Variants in PCDHGA5 observed in about 807,000 individuals in gnomAD.
PCDHGA5 encodes the protein protocadherin gamma-A5.
Under a neutral mutation model 56.7 loss-of-function variants are expected in PCDHGA5, and 36 were observed. The ratio of observed to expected loss-of-function variants is 0.64; its 90% CI spans 0.49 to 0.84. The LOEUF (loss-of-function observed/expected upper bound fraction) is 0.84. PCDHGA5 is among the 40% of genes least tolerant of loss of function. The pLI is 0.00. For missense variants in PCDHGA5, 1,305 were observed against 1,201.5 expected, an observed-to-expected ratio of 1.09 and a Z score of -1.27; for synonymous variants, 563 against 520.2, an observed-to-expected ratio of 1.08 and a Z score of -1.12.
chr5:141,451,497 G>T (rs2098717489), intron 1 of PCDHGA5, among the ~76,000 whole-genome samples: 1 of 152,214 alleles, frequency 6.6e-6, no homozygotes, highest in Admixed American at 6.5e-5. Flanking sequence ...CCTCCATAGG[G>T]CAACCAGCTT....
At chr5:141,403,860 C>A (rs201458472) in intron 1 of PCDHGA5, 1 of 1,613,382 alleles carries the variant, frequency 6.2e-7, no homozygotes, top group Non-Finnish European at 8.5e-7. Flanking sequence ...GAAATATCAA[C>A]AGCAAAAAGT....
At chr5:141,417,646 C>A in intron 1 of PCDHGA5, 2 of 797,870 alleles carry the variant, frequency 2.5e-6, no homozygotes, top group Non-Finnish European at 3.8e-6. Context: ...GATCCCTCAG[C>A]CTCTAGCCTG....
rs753233498 is a variant in PCDHGA5, at chr5:141,364,455, G to T, written c.125G>T (p.Gly42Val). 13 of 1,613,882 alleles carry T rather than the reference G, an allele frequency of 8.1e-6. No homozygotes were observed. In the South Asian group the frequency reaches 1.2e-4, roughly 15 times the overall value. ...RYSMPEELDK[G>V]SFVGNIAKDL... ...TCGATGCCGGAGGAGCTGGACAAAG[G>T]CTCCTTCGTCGGCAACATAGCCAAG... The change falls in exon 1 of 4, where the codon GGC becomes GTC. Residue 42 changes from glycine (G) to valine (V), a missense_variant. Coordinates refer to ENST00000518069, the MANE Select transcript of PCDHGA5 (RefSeq NM_018918.3).
intron 1 of PCDHGA5, chr5:141,395,547 TGTGTG>T (rs2093267739): frequency 0.011 from 1,902 of 174,314 alleles, 94 homozygotes; most frequent in African/African-American, 0.026. Flanking sequence ...ATTGTTTGTG[TGTGTG>T]TGTGTGTGTG....
At chr5:141,443,317 C>A (rs898636207) in intron 1 of PCDHGA5, among the ~76,000 whole-genome samples, 39 of 142,046 alleles carry the variant, frequency 2.7e-4, no homozygotes, top group Non-Finnish European at 2.5e-4. Context: ...CCCATCTCTA[C>A]AAAAAAAAAA....
At chr5:141,504,302 C>T (rs969760258) in intron 2 of PCDHGA5, among the ~76,000 whole-genome samples, 9 of 152,004 alleles carry the variant, frequency 5.9e-5, no homozygotes, top group African/African-American at 1.5e-4. Context: ...TTTCAACACT[C>T]GGAGTTTCTA....
chr5:141,404,835 C>T, intron 1 of PCDHGA5: 1 of 1,613,920 alleles, frequency 6.2e-7, no homozygotes, highest in Non-Finnish European at 8.5e-7. Context: ...GAAGTGCGCA[C>T]AGCTCGGGCC....
chr5:141,450,454 G>A (rs144071286), intron 1 of PCDHGA5, among the ~76,000 whole-genome samples: 3,498 of 151,958 alleles, frequency 0.023, 60 homozygotes, highest in Middle Eastern at 0.051. Flanking sequence ...ATGTTTCCTC[G>A]TGATTTTATA....
intron 2 of PCDHGA5, among the ~76,000 whole-genome samples, chr5:141,499,133 T>C (rs1443866975): frequency 6.6e-6 from 1 of 152,184 alleles, no homozygotes; most frequent in East Asian, 1.9e-4. Context: ...GGTCATCCTT[T>C]GGGTGTCTGA....
At position 141,438,631 on chromosome 5, in the gene PCDHGA5, T is replaced by C. The variant is rs1227796079; in HGVS notation, c.2422-56176T>C. 6.5e-4 allele frequency among the ~76,000 whole-genome samples: 28 copies of C among 43,202 alleles called. 1 individual carries two copies. Among genetic ancestry groups the C allele is most frequent in the Non-Finnish European group, 8.8e-4 (23 of 26,272 alleles). 28.3% of individuals were successfully genotyped at this position (43,202 alleles called of 152,430 possible). On this transcript the variant is annotated intron_variant, in intron 1 of 3. Transcript: ENST00000518069. ...ATATATATATATATATATATATATATATATACACACACACACACACATATA... is the reference window on the plus strand; with the variant it reads ...ATATATATATATATATATATATATACATATACACACACACACACACATATA...
At chr5:141,456,259 C>T (rs1456888951) in intron 1 of PCDHGA5, among the ~76,000 whole-genome samples, 1 of 152,122 alleles carries the variant, frequency 6.6e-6, no homozygotes, top group Non-Finnish European at 1.5e-5. Flanking sequence ...GCGACCATTG[C>T]TTCTGGCTAC....
chr5:141,481,901 G>A (rs1297925755), intron 1 of PCDHGA5, among the ~76,000 whole-genome samples: 2 of 125,298 alleles, frequency 1.6e-5, no homozygotes, highest in Non-Finnish European at 3.2e-5. Context: ...GTGAAAGAGC[G>A]AAACTCCATC....
chr5:141,432,413 G>T lies in PCDHGA5; in HGVS notation c.2422-62394G>T, dbSNP rs369816901. On this transcript the variant is annotated intron_variant, in intron 1 of 3. Transcript: ENST00000518069. This position sits in a 1 kb window ranked among gnomAD's most constrained non-coding sequence, Gnocchi z 6.0. ...CAGCAACGTGTCGTTGAGCCTGTTCGTGCTGGACCAGAACGACAATGCGCC... is the reference window on the plus strand; with the variant it reads ...CAGCAACGTGTCGTTGAGCCTGTTCTTGCTGGACCAGAACGACAATGCGCC... The T allele has an allele frequency of 6.2e-7, 1 of 1,614,232 alleles. No homozygotes were observed.
intron 1 of PCDHGA5, among the ~76,000 whole-genome samples, chr5:141,483,393 C>T (rs1475344614): frequency 6.6e-6 from 1 of 152,080 alleles, no homozygotes; most frequent in Admixed American, 6.5e-5. Flanking sequence ...TTGATAAATG[C>T]TTGAACCAGC....
chr5:141,455,495 G>C (rs2098824459), intron 1 of PCDHGA5, among the ~76,000 whole-genome samples: 1 of 152,204 alleles, frequency 6.6e-6, no homozygotes, highest in East Asian at 1.9e-4. Flanking sequence ...GGTGATGTCT[G>C]ATTTGCATAG....
rs1175439180 is a variant in PCDHGA5, at chr5:141,365,941, T to C, written c.1611T>C (p.Ser537=). Residue 537 remains serine (S), a synonymous_variant, in exon 1 of 4, where the codon AGT becomes AGC. Coordinates refer to ENST00000518069, the MANE Select transcript of PCDHGA5 (RefSeq NM_018918.3). The part of the protein sequence containing the change: ...DLQLWVTASD[S]GNPPLSSNVS... ...AGTTGTGGGTGACAGCCAGCGACAG[T>C]GGGAACCCTCCACTTAGCAGCAACG... 15 of 1,614,152 alleles carry C rather than the reference T, an allele frequency of 9.3e-6. No homozygotes were observed. Among genetic ancestry groups the C allele is most frequent in the Non-Finnish European group, 1.2e-5 (14 of 1,180,022 alleles).
chr5:141,430,919 C>T, intron 1 of PCDHGA5: 1 of 1,607,610 alleles, frequency 6.2e-7, no homozygotes, highest in Non-Finnish European at 8.5e-7. Context: ...GGACCTGGGG[C>T]TGGAGCCCCG....
At chr5:141,414,498 C>T (rs2095755127) in intron 1 of PCDHGA5, 1 of 1,613,848 alleles carries the variant, frequency 6.2e-7, no homozygotes, top group African/African-American at 1.3e-5. Flanking sequence ...CGGAAGCTCA[C>T]TTTATGCTAC....
Position 141,364,743 on chromosome 5 carries a change from TA to T in PCDHGA5, c.417del (p.Val140Ter). 1 of 1,613,916 alleles carries T rather than the reference TA, an allele frequency of 6.2e-7. No homozygotes were observed. Reference sequence around the variant, plus strand: ...TTCCCGCGTTTCCGGGATGAAGAGTTAAAAGTAAAAGTTAATGAAAATGCGG... The same window carrying T: ...TTCCCGCGTTTCCGGGATGAAGAGTTAAAGTAAAAGTTAATGAAAATGCGG... Reference protein sequence around the residue: ...DNFPRFRDEELKVKVNENAAA... With the variant: ...DNFPRFRDEEXKVKVNENAAA... On this transcript the variant is annotated frameshift_variant, in exon 1 of 4. Transcript: ENST00000518069. LOFTEE classifies it high-confidence loss of function.
Sources: gnomAD v4.1 joint callset for allele counts (sites outside exome capture counted in the v4.1 genomes callset) on GRCh38, gnomAD v4.1.1 for gene constraint, Gnocchi (gnomAD v3.1) non-coding constraint, MANE v1.5 for transcripts, NCBI Gene and HGNC (gene_info 2026-07-23, HGNC 2026-07-21) for gene names.